Variants in RBM33 observed in about 807,000 individuals in gnomAD.
RBM33 encodes the protein RNA binding motif protein 33.
In RBM33, 28 loss-of-function variants were observed where a neutral mutation model predicts 132.6. That is an observed-to-expected ratio of 0.21 (90% CI 0.16 to 0.29). The LOEUF (loss-of-function observed/expected upper bound fraction) is 0.29, where lower values mean the gene tolerates loss of function less well. Among genes scored for constraint, RBM33 ranks in the 10% least tolerant of loss-of-function variants. The pLI, the probability that RBM33 is intolerant of heterozygous loss-of-function variation, is 1.00. For missense variants in RBM33, 1,291 were observed against 1,518.5 expected, an observed-to-expected ratio of 0.85 and a Z score of 2.49; for synonymous variants, 634 against 593.0, an observed-to-expected ratio of 1.07 and a Z score of -1.01.
Position 155,778,716 on chromosome 7 carries a change from C to T in RBM33, c.*3675C>T, listed in dbSNP as rs1802706939. ...CTTGTCCTGGGATGGGTTTGAAGAA[C>T]TCATCACTCATCACTTGTTTTCTTT... On this transcript the variant is annotated 3_prime_UTR_variant, in exon 18 of 18. Transcript: ENST00000401878. The surrounding 1 kb of genome is among the most constrained non-coding windows in gnomAD (Gnocchi z 4.0). 6.6e-6 allele frequency: 1 copy of T among 152,298 alleles called. No homozygotes were observed. Among genetic ancestry groups the T allele is most frequent in the Admixed American group, 6.5e-5 (1 of 15,286 alleles). 9.4% of individuals were successfully genotyped at this position (152,298 alleles called of 1,614,324 possible).
intron 1 of RBM33, among the ~76,000 whole-genome samples, chr7:155,647,194 AATACTGGTCCATACT>A (rs1416861569): frequency 6.6e-6 from 1 of 152,236 alleles, no homozygotes; most frequent in Non-Finnish European, 1.5e-5. Context: ...TTTCATGAAC[AATACTGGTCCATACT>A]ATGCCATGCA....
Position 155,677,402 on chromosome 7 carries a change from G to A in RBM33, c.172-1206G>A, listed in dbSNP as rs563756569. On this transcript the variant is annotated intron_variant, in intron 3 of 17. Transcript: ENST00000401878. ...TTTTTGTACTTTTAGTAGAGTCAGG[G>A]TTTCACCATGTTGGCCAGGTTGGTC... is the stretch of plus-strand genomic sequence containing the variant. Among the ~76,000 whole-genome samples, 4 of 152,006 alleles carry A rather than the reference G, an allele frequency of 2.6e-5. No homozygotes were observed. In the South Asian group the frequency reaches 8.3e-4, roughly 32 times the overall value.
At chr7:155,652,635 G>C (rs1798387410) in intron 1 of RBM33, among the ~76,000 whole-genome samples, 1 of 152,196 alleles carries the variant, frequency 6.6e-6, no homozygotes, top group Non-Finnish European at 1.5e-5. Context: ...CTTCAGTCTT[G>C]AAGGAAAATT....
intron 11 of RBM33, 113 bp downstream of exon 11, chr7:155,738,516 T>C (rs369757543): frequency 9.7e-7 from 1 of 1,027,110 alleles, no homozygotes; most frequent in African/African-American, 1.6e-5. Flanking sequence ...ATTTAAAGAA[T>C]AGAGTATTAG....
At chr7:155,726,434 C>T (rs182510523) in intron 9 of RBM33, among the ~76,000 whole-genome samples, 8 of 151,136 alleles carry the variant, frequency 5.3e-5, no homozygotes, top group Admixed American at 1.3e-4. Context: ...ATGTAATTAA[C>T]AAGAGATGCA....
chr7:155,709,257 A>G (rs964568281), intron 7 of RBM33, among the ~76,000 whole-genome samples: 13 of 152,200 alleles, frequency 8.5e-5, no homozygotes, highest in Admixed American at 2.6e-4. Flanking sequence ...CTGTTACAGT[A>G]TGTATATGTT....
chr7:155,763,305 G>T (rs994296301), intron 14 of RBM33, among the ~76,000 whole-genome samples: 3 of 152,204 alleles, frequency 2.0e-5, no homozygotes, highest in African/African-American at 4.8e-5. Flanking sequence ...GTATCCACAG[G>T]GGGTGGAAGG....
At chr7:155,722,879 C>T (rs183639146) in intron 9 of RBM33, among the ~76,000 whole-genome samples, 160 of 152,232 alleles carry the variant, frequency 1.1e-3, no homozygotes, top group Non-Finnish European at 1.8e-3. Context: ...ATTGGTGTTT[C>T]GGGCAAATAG....
Position 155,780,447 on chromosome 7 carries a change from T to C in RBM33, c.*5406T>C, listed in dbSNP as rs1802777831. On this transcript the variant is annotated 3_prime_UTR_variant, in exon 18 of 18. Transcript: ENST00000401878. ...GTGACCTTTTTCATGTCTGAGCTGA[T>C]TCTGTTTGCTCCACGTGCCTGCTTC... 1 of 152,288 alleles carries C rather than the reference T, an allele frequency of 6.6e-6. No individual in the cohort carries two copies. The highest frequency in any genetic ancestry group is 2.4e-5 in the African/African-American group (1 of 41,456). The allele number at this position is 152,288 out of a possible 1,614,324, so 9.4% of individuals were successfully genotyped here.
chr7:155,680,256 G>T (rs959164975), intron 4 of RBM33, among the ~76,000 whole-genome samples: 1 of 152,090 alleles, frequency 6.6e-6, no homozygotes, highest in Non-Finnish European at 1.5e-5. Context: ...TTCAGTCTTG[G>T]ACTTTTGCCA....
At position 155,665,298 on chromosome 7, in the gene RBM33, C is replaced by G. The variant is rs1472241438; in HGVS notation, c.122+45C>G. On this transcript the variant is annotated intron_variant, in intron 2 of 17. Transcript: ENST00000401878. Reference sequence around the variant, plus strand: ...CACCTAACTGCCTGTGCCGATCTCTCTCATTCTGACACTTGGCTCCTGAGG... The same window carrying G: ...CACCTAACTGCCTGTGCCGATCTCTGTCATTCTGACACTTGGCTCCTGAGG... 4 of 1,541,290 alleles carry G rather than the reference C, an allele frequency of 2.6e-6. No homozygotes were observed. In the African/African-American group the frequency reaches 5.4e-5, roughly 21 times the overall value.
At chr7:155,744,435 C>A (rs1033250635) in intron 13 of RBM33, among the ~76,000 whole-genome samples, 2 of 152,184 alleles carry the variant, frequency 1.3e-5, no homozygotes, top group Non-Finnish European at 2.9e-5. Flanking sequence ...GAGGAGAGTG[C>A]ATGAGTTCAA....
intron 14 of RBM33, among the ~76,000 whole-genome samples, chr7:155,750,232 A>G (rs969066997): frequency 1.3e-5 from 2 of 152,214 alleles, no homozygotes; most frequent in Admixed American, 6.5e-5. Flanking sequence ...TCAGAAAGCT[A>G]TTTTTCAGTG....
At chr7:155,698,034 A>G (rs981267088) in intron 5 of RBM33, among the ~76,000 whole-genome samples, 2 of 152,194 alleles carry the variant, frequency 1.3e-5, no homozygotes, top group South Asian at 2.1e-4. Context: ...CCATCAGTGG[A>G]ATGTAGCTTG....
At chr7:155,695,335 C>A (rs1393561779) in intron 5 of RBM33, among the ~76,000 whole-genome samples, 1 of 152,172 alleles carries the variant, frequency 6.6e-6, no homozygotes, top group Non-Finnish European at 1.5e-5. Flanking sequence ...TGTATGCATA[C>A]ATACTGCATA....
At chr7:155,660,546 CTT>C (rs1023130465) in intron 1 of RBM33, among the ~76,000 whole-genome samples, 3 of 152,344 alleles carry the variant, frequency 2.0e-5, no homozygotes, top group South Asian at 2.1e-4. Context: ...ATTTGGGACT[CTT>C]TGAGCACTTT....
intron 14 of RBM33, among the ~76,000 whole-genome samples, chr7:155,752,868 CT>C (rs1368495476): frequency 6.6e-6 from 1 of 152,154 alleles, no homozygotes; most frequent in Admixed American, 6.5e-5. Flanking sequence ...CTGGTTCGTC[CT>C]TTCTTTGTTC....
At chr7:155,693,133 T>G (rs1390963669) in intron 5 of RBM33, among the ~76,000 whole-genome samples, 52 of 152,232 alleles carry the variant, frequency 3.4e-4, no homozygotes, top group Non-Finnish European at 1.6e-4. Flanking sequence ...TAATGATTAC[T>G]ACTAAATGGT....
At chr7:155,680,003 T>C (rs1233766095) in intron 4 of RBM33, among the ~76,000 whole-genome samples, 1 of 152,246 alleles carries the variant, frequency 6.6e-6, no homozygotes. Context: ...TTTAAAGATA[T>C]TTGTGACTAA....
Sources: gnomAD v4.1 joint callset for allele counts (sites outside exome capture counted in the v4.1 genomes callset) on GRCh38, gnomAD v4.1.1 for gene constraint, Gnocchi (gnomAD v3.1) non-coding constraint, MANE v1.5 for transcripts, NCBI Gene and HGNC (gene_info 2026-07-23, HGNC 2026-07-21) for gene names.